FGF12: variants seen among roughly 807,000 people sequenced by gnomAD.
FGF12 encodes the protein fibroblast growth factor 12B.
FGF12 carries 14 observed loss-of-function variants against 23.6 expected under a neutral mutation model. That is an observed-to-expected ratio of 0.59 (90% CI 0.39 to 0.93). The LOEUF is 0.93. Among genes scored for constraint, FGF12 ranks in the 40% least tolerant of loss-of-function variants. The pLI, the probability that FGF12 is intolerant of heterozygous loss-of-function variation, is 0.00. For synonymous variants in FGF12, 62 were observed against 77.3 expected, an observed-to-expected ratio of 0.80 and a Z score of 1.04; for missense variants, 175 against 217.8, an observed-to-expected ratio of 0.80 and a Z score of 1.24.
At chr3:192,530,964 G>A (rs1381394393) in intron 2 of FGF12, among the ~76,000 whole-genome samples, 2 of 152,218 alleles carry the variant, frequency 1.3e-5, no homozygotes, top group East Asian at 3.9e-4. Context: ...ACAGGCATAT[G>A]CCACCATGCC....
intron 4 of FGF12, among the ~76,000 whole-genome samples, chr3:192,302,606 T>G (rs992314932): frequency 6.6e-6 from 1 of 152,190 alleles, no homozygotes; most frequent in Non-Finnish European, 1.5e-5. Flanking sequence ...TAAAATGTGG[T>G]CCTTGCATAT....
intron 2 of FGF12, among the ~76,000 whole-genome samples, chr3:192,708,741 T>C (rs1376018613): frequency 6.6e-6 from 1 of 152,188 alleles, no homozygotes; most frequent in Non-Finnish European, 1.5e-5. Context: ...AAGAAGGACT[T>C]CTTACCAGAA....
rs182508766 is a variant in FGF12, at chr3:192,626,337, T to C, written c.13+100844A>G. On this transcript the variant is annotated intron_variant, in intron 2 of 5. Coordinates refer to ENST00000445105, the MANE Select transcript of FGF12 (RefSeq NM_004113.6). The stretch of plus-strand genomic sequence containing the variant: ...GTAAATATTTTTCAACGCTTTTTTT[T>C]CTGCTCTTCAGGATCAAATCATATT... Among the ~76,000 whole-genome samples, 1,170 of 152,332 alleles carry C rather than the reference T, an allele frequency of 7.7e-3. 7 individuals are homozygous for C. The highest frequency in any genetic ancestry group is 0.012 in the Non-Finnish European group (806 of 68,026).
At chr3:192,224,811 G>C (rs756551459) in intron 4 of FGF12, among the ~76,000 whole-genome samples, 2 of 152,090 alleles carry the variant, frequency 1.3e-5, no homozygotes, top group Admixed American at 6.6e-5. Flanking sequence ...AGAGTAGTTC[G>C]AGTTGCCATT....
chr3:192,599,078 A>G (rs371916872), intron 2 of FGF12, among the ~76,000 whole-genome samples: 2 of 152,092 alleles, frequency 1.3e-5, no homozygotes, highest in African/African-American at 2.4e-5. Context: ...ACATGGACAC[A>G]GGGAGGGGAA....
chr3:192,549,086 C>T (rs187734444), intron 2 of FGF12, among the ~76,000 whole-genome samples: 71 of 152,274 alleles, frequency 4.7e-4, no homozygotes, highest in Admixed American at 1.5e-3. Flanking sequence ...AAGCTAATTA[C>T]ACTAACTGTT....
intron 2 of FGF12, among the ~76,000 whole-genome samples, chr3:192,618,344 C>T (rs1714842533): frequency 6.6e-6 from 1 of 151,950 alleles, no homozygotes; most frequent in Non-Finnish European, 1.5e-5. Flanking sequence ...TCTCTAAGCT[C>T]AATGTGTATC....
At chr3:192,657,487 G>A (rs1229619546) in intron 2 of FGF12, among the ~76,000 whole-genome samples, 12 of 151,782 alleles carry the variant, frequency 7.9e-5, no homozygotes, top group Admixed American at 7.9e-4. Context: ...CCATAGTGTA[G>A]GGGGAGAGGG....
intron 2 of FGF12, among the ~76,000 whole-genome samples, chr3:192,693,227 C>G (rs971806705): frequency 6.6e-6 from 1 of 151,044 alleles, no homozygotes; most frequent in African/African-American, 2.4e-5. Context: ...TAAATTCAAC[C>G]AAAGAGGTGA....
chr3:192,639,565 A>G (rs1715713483), intron 2 of FGF12, among the ~76,000 whole-genome samples: 1 of 152,242 alleles, frequency 6.6e-6, no homozygotes, highest in Non-Finnish European at 1.5e-5. Context: ...TCCATCATCA[A>G]CAAATAGATA....
chr3:192,163,469 A>C (rs1229193246), intron 5 of FGF12, among the ~76,000 whole-genome samples: 1 of 152,208 alleles, frequency 6.6e-6, no homozygotes, highest in East Asian at 1.9e-4. Context: ...ATTCAGTCCA[A>C]TATATTGATC....
chr3:192,335,002 A>C (rs1717322800), intron 4 of FGF12, among the ~76,000 whole-genome samples: 2 of 152,142 alleles, frequency 1.3e-5, no homozygotes, highest in Non-Finnish European at 2.9e-5. Flanking sequence ...CAAATTGAAG[A>C]ATTTTCCTCC....
At chr3:192,375,025 T>G (rs1326977354) in intron 2 of FGF12, among the ~76,000 whole-genome samples, 2 of 152,248 alleles carry the variant, frequency 1.3e-5, no homozygotes, top group Non-Finnish European at 2.9e-5. Flanking sequence ...TTTTTGTGCC[T>G]GTACTCCCTC....
chr3:192,252,721 T>C (rs918394072), intron 4 of FGF12, among the ~76,000 whole-genome samples: 10 of 151,786 alleles, frequency 6.6e-5, no homozygotes, highest in Non-Finnish European at 1.3e-4. Flanking sequence ...TCAGCTATGG[T>C]AGAAAAGAAA....
At chr3:192,426,664 C>T (rs1185842360) in intron 2 of FGF12, among the ~76,000 whole-genome samples, 1 of 152,036 alleles carries the variant, frequency 6.6e-6, no homozygotes, top group Non-Finnish European at 1.5e-5. Flanking sequence ...AAGTGTAATA[C>T]AAAAGAAAGA....
At chr3:192,477,521 G>A (rs925850636) in intron 2 of FGF12, among the ~76,000 whole-genome samples, 1 of 152,182 alleles carries the variant, frequency 6.6e-6, no homozygotes, top group African/African-American at 2.4e-5. Context: ...ATTATTACCA[G>A]TATAAAGATA....
intron 2 of FGF12, among the ~76,000 whole-genome samples, chr3:192,538,266 T>TG (rs1560143625): frequency 1.3e-4 from 19 of 151,778 alleles, no homozygotes; most frequent in East Asian, 7.7e-4. Flanking sequence ...GTTTTTTTTC[T>TG]TTTGTTTTGT....
At chr3:192,512,450 G>A (rs1331574953) in intron 2 of FGF12, among the ~76,000 whole-genome samples, 2 of 152,048 alleles carry the variant, frequency 1.3e-5, no homozygotes, top group East Asian at 3.9e-4. Context: ...TTATAACAGT[G>A]CCTGGCATAC....
chr3:192,512,779 T>C (rs1250123712), intron 2 of FGF12, among the ~76,000 whole-genome samples: 1 of 143,712 alleles, frequency 7.0e-6, no homozygotes, highest in Non-Finnish European at 1.5e-5. Flanking sequence ...AATGCATATA[T>C]AAATAAAACA....
Sources: gnomAD v4.1 joint callset for allele counts (sites outside exome capture counted in the v4.1 genomes callset) on GRCh38, gnomAD v4.1.1 for gene constraint, MANE v1.5 for transcripts, NCBI Gene and HGNC (gene_info 2026-07-23, HGNC 2026-07-21) for gene names.